Variants in CA5B observed in about 807,000 individuals in gnomAD.
CA5B encodes the protein carbonic anhydrase 5B, mitochondrial.
A neutral mutation model predicts 23.1 loss-of-function variants in CA5B; 15 were observed. The ratio of observed to expected loss-of-function variants is 0.65; its 90% CI spans 0.43 to 1.00. CA5B has a LOEUF of 1.00. Ranked by LOEUF, CA5B falls within the 50% of genes least tolerant of loss-of-function variation. The pLI is 0.00. For synonymous variants in CA5B, 84 were observed against 98.5 expected (o/e 0.85, Z 0.87); for missense variants, 236 against 252.2 (o/e 0.94, Z 0.43).
At chrX:15,782,208 A>G (rs895058020) in intron 7 of CA5B, among the ~76,000 whole-genome samples, 2 of 112,002 alleles carry the variant, frequency 1.8e-5, no homozygotes, top group Non-Finnish European at 3.8e-5. Flanking sequence ...ATATGTGGGG[A>G]CAGGGCCTTT....
chrX:15,738,507 G>A (rs936768518), intron 1 of CA5B, among the ~76,000 whole-genome samples, 155 bp downstream of exon 1: 1 of 111,055 alleles, frequency 9.0e-6, no homozygotes, highest in East Asian at 2.8e-4. Context: ...TCCCGGCAGG[G>A]CGCCCGGGAG....
rs753274218 is a variant in CA5B, at chrX:15,782,638, C to G, written c.928C>G (p.Pro310Ala). 5.8e-6 allele frequency: 7 copies of G among 1,197,283 alleles called. No homozygotes were observed. The highest frequency in any genetic ancestry group is 7.9e-6 in the Non-Finnish European group (7 of 888,582). The change falls in exon 8 of 8, where the codon CCG becomes GCG. Residue 310 changes from proline (P) to alanine (A), a missense_variant. Pro to Ala is a conservative substitution (Grantham distance 27, BLOSUM62 -1). This residue lies in a region of CA5B where 170 missense variants were observed against 162.0 expected (regional missense o/e 1.05). Coordinates refer to ENST00000318636, the MANE Select transcript of CA5B (RefSeq NM_007220.4). The part of the protein sequence containing the change: ...YVLNVQAKPK[P>A]ATSQATP ...GCTGAATGTACAAGCGAAACCCAAGCCGGCCACCAGCCAAGCAACCCCCTA... is the reference window on the plus strand; with the variant it reads ...GCTGAATGTACAAGCGAAACCCAAGGCGGCCACCAGCCAAGCAACCCCCTA...
intron 4 of CA5B, 79 bp downstream of exon 4, chrX:15,772,693 T>C (rs1303909791): frequency 1.9e-6 from 1 of 520,435 alleles, no homozygotes. Context: ...AAGACATTAT[T>C]AGAATCAGGT....
intron 4 of CA5B, among the ~76,000 whole-genome samples, chrX:15,773,961 C>T (rs1049777974): frequency 1.8e-5 from 2 of 112,272 alleles, no homozygotes; most frequent in Non-Finnish European, 3.8e-5. Context: ...ATCTTCTCTC[C>T]TGTAGATGCA....
intron 1 of CA5B, among the ~76,000 whole-genome samples, chrX:15,740,846 T>G (rs1034251351): frequency 1.8e-5 from 2 of 112,071 alleles, no homozygotes; most frequent in African/African-American, 6.5e-5. Flanking sequence ...GGTGGATCGT[T>G]TGAGGCCAGG....
chrX:15,739,943 C>G (rs1931084808), intron 1 of CA5B, among the ~76,000 whole-genome samples: 2 of 111,817 alleles, frequency 1.8e-5, no homozygotes, highest in African/African-American at 6.5e-5. Flanking sequence ...AATTTTTTTC[C>G]AATGTAATTG....
intron 3 of CA5B, among the ~76,000 whole-genome samples, chrX:15,772,223 G>A (rs1260933539): frequency 8.9e-6 from 1 of 112,285 alleles, no homozygotes; most frequent in Non-Finnish European, 1.9e-5. Context: ...AAAGAAAACT[G>A]GACACAATAA....
At chrX:15,747,889 A>G (rs1931269245) in intron 1 of CA5B, among the ~76,000 whole-genome samples, 1 of 107,761 alleles carries the variant, frequency 9.3e-6, no homozygotes, top group Admixed American at 9.7e-5. Context: ...TTTAATAGGC[A>G]GAAGAAAGGA....
chrX:15,783,495 T>G lies in CA5B; in HGVS notation c.*831T>G, dbSNP rs1932060331. On this transcript the variant is annotated 3_prime_UTR_variant, in exon 8 of 8. Transcript: ENST00000318636. ...ATATAGGAAATATATGCAGAACATT[T>G]TAAAGAAAATGCCTGGCTGGGCACA... 3 of 111,617 alleles carry G rather than the reference T, an allele frequency of 2.7e-5. No individual in the cohort carries two copies. In the South Asian group the frequency reaches 1.1e-3, roughly 41 times the overall value. The allele number at this position is 111,617 out of a possible 1,213,427, so 9.2% of individuals were successfully genotyped here.
intron 6 of CA5B, 75 bp downstream of exon 6, chrX:15,775,383 A>C (rs759874375): frequency 6.0e-4 from 666 of 1,116,095 alleles, no homozygotes; most frequent in Non-Finnish European, 7.5e-4. Flanking sequence ...TTACCAAGGC[A>C]CTTTGAATTG....
intron 3 of CA5B, among the ~76,000 whole-genome samples, chrX:15,767,372 C>T (rs941888433): frequency 9.0e-6 from 1 of 110,903 alleles, no homozygotes; most frequent in East Asian, 2.8e-4. Flanking sequence ...TCTTTTAGTC[C>T]TCTCTTTTTC....
intron 1 of CA5B, among the ~76,000 whole-genome samples, chrX:15,744,121 A>C (rs916728039): frequency 2.7e-5 from 3 of 112,133 alleles, no homozygotes; most frequent in African/African-American, 9.7e-5. Context: ...TACAGGAGAA[A>C]CTTCCTCTAG....
chrX:15,771,948 C>A (rs1931829420), intron 3 of CA5B, among the ~76,000 whole-genome samples: 1 of 110,852 alleles, frequency 9.0e-6, no homozygotes, highest in South Asian at 3.7e-4. Context: ...ACTATGGTCA[C>A]CATGCTGTGC....
chrX:15,762,510 C>T (rs933560034), intron 2 of CA5B, among the ~76,000 whole-genome samples: 12 of 108,209 alleles, frequency 1.1e-4, no homozygotes, highest in East Asian at 8.9e-4. Context: ...GGCGCAATCT[C>T]GGCTCACTAC....
Position 15,760,597 on chromosome X carries a change from A to G in CA5B, c.143-3981A>G, listed in dbSNP as rs142949017. 1.5e-3 allele frequency among the ~76,000 whole-genome samples: 162 copies of G among 111,513 alleles called. 1 individual carries two copies. The highest frequency in any genetic ancestry group is 5.1e-3 in the African/African-American group (155 of 30,674). On this transcript the variant is annotated intron_variant, in intron 2 of 7. Coordinates refer to ENST00000318636, the MANE Select transcript of CA5B (RefSeq NM_007220.4). ...CATTTCATGCATGAGATGGGGAAAA[A>G]TTAAGGATGACCAAGGCGTCGTCTT...
At chrX:15,773,743 A>G (rs1291321267) in intron 4 of CA5B, among the ~76,000 whole-genome samples, 1 of 110,929 alleles carries the variant, frequency 9.0e-6, no homozygotes, top group Non-Finnish European at 1.9e-5. Context: ...TTGTAGAGAC[A>G]AGGTTTCACT....
rs202096876 is a variant in CA5B, at chrX:15,775,293, G to A, written c.603G>A (p.Pro201=). The A allele has an allele frequency of 1.5e-4, 174 of 1,197,120 alleles. 2 individuals are homozygous for A. In the East Asian group the frequency reaches 4.2e-3, roughly 29 times the overall value. Reference sequence around the variant, plus strand: ...TACAGAAATTAGTGGATACTTTGCCGTCAATTAAGCATAAGGTACTATTTG... The same window carrying A: ...TACAGAAATTAGTGGATACTTTGCCATCAATTAAGCATAAGGTACTATTTG... The part of the protein sequence containing the change: ...KELQKLVDTL[P]SIKHKDALVE... Residue 201 remains proline (P), a synonymous_variant, in exon 6 of 8, where the codon CCG becomes CCA. Transcript: ENST00000318636.
At chrX:15,746,779 C>T (rs1931243363) in intron 1 of CA5B, among the ~76,000 whole-genome samples, 1 of 110,710 alleles carries the variant, frequency 9.0e-6, no homozygotes, top group Non-Finnish European at 1.9e-5. Flanking sequence ...GGTTTTCTTG[C>T]TGTCTTTTGT....
intron 2 of CA5B, 59 bp from the exon 3 acceptor site, chrX:15,764,519 A>G: frequency 1.7e-6 from 2 of 1,195,083 alleles, no homozygotes; most frequent in Non-Finnish European, 2.3e-6. Context: ...GGATTATAGG[A>G]GTGAGCCACT....
Sources: allele counts gnomAD v4.1 joint callset (sites outside exome capture counted in the v4.1 genomes callset), GRCh38; gene constraint gnomAD v4.1.1; regional missense constraint gnomAD v4.1.1; transcripts MANE v1.5; gene names NCBI Gene and HGNC (gene_info 2026-07-23, HGNC 2026-07-21).